Variants in DOCK1 observed in about 807,000 individuals in gnomAD.
DOCK1 encodes the protein dedicator of cytokinesis protein 1.
DOCK1 carries 138 observed loss-of-function variants against 262.7 expected under a neutral mutation model. That is an observed-to-expected ratio of 0.53 (90% confidence interval 0.46 to 0.61). DOCK1 has a LOEUF of 0.61. Ranked by LOEUF, DOCK1 falls within the 20% of genes least tolerant of loss-of-function variation. The pLI is 0.00. For synonymous variants in DOCK1, 866 were observed against 867.4 expected, an observed-to-expected ratio of 1.00 and a Z score of 0.03; for missense variants, 1,908 against 2,370.7, an observed-to-expected ratio of 0.80 and a Z score of 4.05.
chr10:126,996,729 T>C lies in DOCK1; in HGVS notation c.474-19T>C. 1 of 1,600,242 alleles carries C rather than the reference T, an allele frequency of 6.2e-7. No individual in the cohort carries two copies. Among genetic ancestry groups the C allele is most frequent in the Non-Finnish European group, 8.5e-7 (1 of 1,175,316 alleles). ...CCTTGGTCTATGTCTGTGAACTTAC[T>C]AAATTCTTGTTGTTCTAGAATTCTA... On this transcript the variant is annotated intron_variant, in intron 6 of 51. Coordinates refer to ENST00000623213, the MANE Select transcript of DOCK1 (RefSeq NM_001290223.2).
chr10:127,220,939 C>T (rs2058412602), intron 27 of DOCK1, among the ~76,000 whole-genome samples: 1 of 152,158 alleles, frequency 6.6e-6, no homozygotes, highest in South Asian at 2.1e-4. Context: ...TCAGCATCCT[C>T]AGAATAGCAG....
intron 38 of DOCK1, among the ~76,000 whole-genome samples, chr10:127,396,693 G>T (rs1443250009): frequency 6.7e-6 from 1 of 148,190 alleles, no homozygotes; most frequent in Non-Finnish European, 1.5e-5. Context: ...GTCTTTTCAA[G>T]GTCTTTCTTT....
chr10:127,057,128 G>A (rs2045213706), intron 22 of DOCK1, among the ~76,000 whole-genome samples: 1 of 152,164 alleles, frequency 6.6e-6, no homozygotes, highest in East Asian at 1.9e-4. Flanking sequence ...TAGGATGTTT[G>A]ATCCGTGACA....
intron 6 of DOCK1, 110 bp from the exon 7 acceptor site, chr10:126,996,638 C>G: frequency 1.7e-6 from 2 of 1,163,386 alleles, no homozygotes; most frequent in Non-Finnish European, 2.3e-6. Context: ...TGGGCAAGCC[C>G]GAGTTTCTAG....
intron 1 of DOCK1, among the ~76,000 whole-genome samples, chr10:126,962,327 T>C (rs2037293756): frequency 6.6e-6 from 1 of 152,172 alleles, no homozygotes; most frequent in Admixed American, 6.5e-5. Flanking sequence ...GCCCGACTAA[T>C]TTTGCATTTT....
At chr10:127,055,120 A>G (rs1224114615) in intron 22 of DOCK1, among the ~76,000 whole-genome samples, 1 of 152,102 alleles carries the variant, frequency 6.6e-6, no homozygotes. Context: ...GGCTGCATGT[A>G]ATAGAAAAAC....
intron 27 of DOCK1, among the ~76,000 whole-genome samples, chr10:127,237,178 G>C (rs1473513733): frequency 1.3e-5 from 2 of 151,934 alleles, no homozygotes; most frequent in African/African-American, 4.8e-5. Flanking sequence ...GGCCAACATG[G>C]GGAAACCCTG....
intron 5 of DOCK1, among the ~76,000 whole-genome samples, chr10:126,989,418 C>T (rs2039642514): frequency 6.6e-6 from 1 of 152,086 alleles, no homozygotes; most frequent in African/African-American, 2.4e-5. Flanking sequence ...TCTTAACCTC[C>T]CAGGCTCAAG....
intron 1 of DOCK1, among the ~76,000 whole-genome samples, chr10:126,962,945 G>T (rs902466103): frequency 2.6e-5 from 4 of 151,764 alleles, no homozygotes; most frequent in African/African-American, 4.8e-5. Context: ...TTTGCAAGTG[G>T]ATATCCAGTT....
chr10:126,981,897 GT>G lies in DOCK1; in HGVS notation c.172-11del, dbSNP rs150683957. 359 of 1,408,296 alleles carry G rather than the reference GT, an allele frequency of 2.5e-4. No individual in the cohort carries two copies. The highest frequency in any genetic ancestry group is 6.2e-4 in the Admixed American group (31 of 50,294). The allele number at this position is 1,408,296 out of a possible 1,614,324, so 87.2% of individuals were successfully genotyped here. On this transcript the variant is annotated intron_variant, in intron 3 of 51. Coordinates refer to ENST00000623213, the MANE Select transcript of DOCK1 (RefSeq NM_001290223.2). ...AATCCTATTGATAATAAAAGCTACT[GT>G]TTTTTTTTTCCTCCCAAAGGGTATA...
chr10:127,063,328 A>T (rs1349404089), intron 23 of DOCK1, among the ~76,000 whole-genome samples: 1 of 152,192 alleles, frequency 6.6e-6, no homozygotes, highest in Non-Finnish European at 1.5e-5. Flanking sequence ...ACAAAGATGT[A>T]TGTGTGCTGA....
intron 47 of DOCK1, among the ~76,000 whole-genome samples, chr10:127,427,301 G>T (rs1417396541): frequency 6.6e-6 from 1 of 152,230 alleles, no homozygotes; most frequent in Non-Finnish European, 1.5e-5. Context: ...TGAAGACCAG[G>T]TGTCGAGTGG....
chr10:126,974,443 T>C (rs546337732), intron 2 of DOCK1, among the ~76,000 whole-genome samples: 6 of 152,338 alleles, frequency 3.9e-5, no homozygotes, highest in African/African-American at 1.4e-4. Flanking sequence ...GTTTGGGACC[T>C]GTGTCTTGCC....
At chr10:127,317,952 G>A (rs74158662) in intron 29 of DOCK1, among the ~76,000 whole-genome samples, 5,091 of 152,258 alleles carry the variant, frequency 0.033, 300 homozygotes, top group African/African-American at 0.11. Context: ...AGTGGCCTTA[G>A]GGGAGTCATC....
chr10:126,949,337 GT>G (rs1352495790), intron 1 of DOCK1, among the ~76,000 whole-genome samples: 1 of 152,068 alleles, frequency 6.6e-6, no homozygotes, highest in East Asian at 1.9e-4. Flanking sequence ...GCACTTCTTG[GT>G]TGGACATGTT....
intron 1 of DOCK1, among the ~76,000 whole-genome samples, chr10:126,915,658 A>C (rs182062312): frequency 6.6e-6 from 1 of 152,144 alleles, no homozygotes. Flanking sequence ...TCACTGTGTT[A>C]GCCAGGATGG....
intron 29 of DOCK1, among the ~76,000 whole-genome samples, chr10:127,277,340 A>G (rs1355821491): frequency 1.3e-5 from 2 of 152,226 alleles, no homozygotes; most frequent in African/African-American, 4.8e-5. Flanking sequence ...AAATAGATCC[A>G]TTTCACAAAG....
chr10:127,030,327 C>T (rs958919521), intron 16 of DOCK1, among the ~76,000 whole-genome samples: 4 of 152,210 alleles, frequency 2.6e-5, no homozygotes, highest in Non-Finnish European at 5.9e-5. Context: ...TTTCTTCAGT[C>T]CATGTTCCTC....
chr10:127,026,687 C>T (rs1470055219), intron 16 of DOCK1, among the ~76,000 whole-genome samples: 1 of 152,200 alleles, frequency 6.6e-6, no homozygotes, highest in Non-Finnish European at 1.5e-5. Context: ...TCCGTGTTGA[C>T]TTGCCATCCA....
Sources: gnomAD v4.1 joint callset for allele counts (sites outside exome capture counted in the v4.1 genomes callset) on GRCh38, gnomAD v4.1.1 for gene constraint, MANE v1.5 for transcripts, NCBI Gene and HGNC (gene_info 2026-07-23, HGNC 2026-07-21) for gene names.